SASH1: variants seen among roughly 807,000 people sequenced by gnomAD.
The protein encoded by SASH1 is SAM and SH3 domain-containing protein 1.
Under a neutral mutation model 125.2 loss-of-function variants are expected in SASH1, and 44 were observed. That is an observed-to-expected ratio of 0.35 (90% CI 0.28 to 0.45). The LOEUF is 0.45. Ranked by LOEUF, SASH1 falls within the 20% of genes least tolerant of loss-of-function variation. SASH1 has a pLI of 1.00. For synonymous variants in SASH1, 639 were observed against 649.1 expected (o/e 0.98, Z 0.24); for missense variants, 1,426 against 1,614.5 (o/e 0.88, Z 2.00).
intron 1 of SASH1, among the ~76,000 whole-genome samples, chr6:148,377,160 A>G (rs1782934397): frequency 7.8e-6 from 1 of 128,416 alleles, no homozygotes; most frequent in Non-Finnish European, 1.6e-5. Context: ...ACAGAGCGAG[A>G]CTCCGTCTCA....
At chr6:148,397,429 G>A (rs761780540) in intron 2 of SASH1, among the ~76,000 whole-genome samples, 1 of 152,130 alleles carries the variant, frequency 6.6e-6, no homozygotes, top group African/African-American at 2.4e-5. Context: ...AGGTTGCAGT[G>A]AGCCGAGATC....
chr6:148,379,986 C>G, intron 1 of SASH1: 1 of 456,072 alleles, frequency 2.2e-6, no homozygotes, highest in South Asian at 1.6e-5. Context: ...ACGTAGGTGC[C>G]ACACAAAGAG....
chr6:148,387,593 T>C (rs1293867269), intron 1 of SASH1, among the ~76,000 whole-genome samples: 2 of 10,514 alleles, frequency 1.9e-4, no homozygotes, highest in African/African-American at 1.1e-3. Flanking sequence ...TCTTTCTTTC[T>C]TTCTTTCTTT....
chr6:148,268,019 C>A (rs1005440454), upstream of SASH1, among the ~76,000 whole-genome samples: 1 of 152,218 alleles, frequency 6.6e-6, no homozygotes, highest in Non-Finnish European at 1.5e-5. Flanking sequence ...TAACCCACTA[C>A]ATGAACAATA....
intron 8 of SASH1, chr6:148,508,493 T>C: frequency 2.0e-6 from 2 of 1,008,480 alleles, no homozygotes; most frequent in Non-Finnish European, 2.4e-6. Context: ...TCAGGGAGCC[T>C]TCCTCAGTGA....
chr6:148,446,618 T>C (rs566179412), intron 4 of SASH1, among the ~76,000 whole-genome samples: 2 of 152,292 alleles, frequency 1.3e-5, no homozygotes, highest in Admixed American at 6.5e-5. Flanking sequence ...TATTTTGTAA[T>C]ATGTTTATGG....
At chr6:148,276,535 C>T (rs549836772) in intron 1 of SASH1, among the ~76,000 whole-genome samples, 6 of 151,714 alleles carry the variant, frequency 4.0e-5, no homozygotes, top group South Asian at 2.1e-4. Context: ...TGTAAGTGTG[C>T]GAAAGAAAAA....
At chr6:148,531,025 G>A (rs2115399879) in intron 12 of SASH1, among the ~76,000 whole-genome samples, 1 of 152,212 alleles carries the variant, frequency 6.6e-6, no homozygotes. Flanking sequence ...CTTATCCAAT[G>A]CCAATAATTT....
At chr6:148,393,041 A>ATTTTT (rs11368073) in intron 2 of SASH1, among the ~76,000 whole-genome samples, 1 of 78,110 alleles carries the variant, frequency 1.3e-5, no homozygotes, top group Non-Finnish European at 2.4e-5. Context: ...GAATGTTTCA[A>ATTTTT]TTTTTTTTTT....
intron 8 of SASH1, among the ~76,000 whole-genome samples, chr6:148,512,208 C>T (rs1007782787): frequency 5.3e-5 from 8 of 152,084 alleles, no homozygotes; most frequent in African/African-American, 7.2e-5. Flanking sequence ...TTAGTAGAGA[C>T]GGGGTTTCAC....
At chr6:148,522,381 A>G (rs1780873504) in intron 10 of SASH1, among the ~76,000 whole-genome samples, 1 of 152,232 alleles carries the variant, frequency 6.6e-6, no homozygotes, top group Non-Finnish European at 1.5e-5. Flanking sequence ...TTTCTTTGCT[A>G]GATTTATTTA....
At chr6:148,393,496 C>T (rs184219941) in intron 2 of SASH1, among the ~76,000 whole-genome samples, 18 of 152,312 alleles carry the variant, frequency 1.2e-4, no homozygotes, top group Non-Finnish European at 2.5e-4. Flanking sequence ...AACTGCTCTT[C>T]TCAGGATTCT....
intron 1 of SASH1, among the ~76,000 whole-genome samples, chr6:148,361,332 T>A (rs766085017): frequency 5.9e-5 from 9 of 152,158 alleles, no homozygotes; most frequent in Non-Finnish European, 1.2e-4. Context: ...ACGCGGTGGC[T>A]CATGCCTGTA....
the SASH1 span, among the ~76,000 whole-genome samples, chr6:148,254,616 A>T: frequency 6.6e-6 from 1 of 152,232 alleles, no homozygotes; most frequent in Admixed American, 6.5e-5. Context: ...ATCACTAGTT[A>T]TTGGGGAAGC....
chr6:148,194,849 T>C, the SASH1 span, among the ~76,000 whole-genome samples: 1 of 152,220 alleles, frequency 6.6e-6, no homozygotes, highest in Non-Finnish European at 1.5e-5. Context: ...GAGCTGGCAG[T>C]GAGCCGAGAT....
intron 1 of SASH1, among the ~76,000 whole-genome samples, chr6:148,311,214 C>A (rs1246195981): frequency 1.3e-5 from 2 of 151,828 alleles, no homozygotes; most frequent in Non-Finnish European, 2.9e-5. Context: ...TCAAGCGATT[C>A]TGCTGCCTCA....
At chr6:148,325,017 T>C (rs910869082) in intron 1 of SASH1, among the ~76,000 whole-genome samples, 3 of 152,166 alleles carry the variant, frequency 2.0e-5, no homozygotes, top group African/African-American at 7.2e-5. Flanking sequence ...CTTAGGCAAT[T>C]GTGTTAACTT....
At chr6:148,535,420 G>A (rs1781782770) in intron 16 of SASH1, among the ~76,000 whole-genome samples, 1 of 152,210 alleles carries the variant, frequency 6.6e-6, no homozygotes, top group Non-Finnish European at 1.5e-5. Context: ...TTTTCGCTCA[G>A]CCAAAGCTTG....
chr6:148,484,502 A>T (rs1778757734), intron 7 of SASH1, among the ~76,000 whole-genome samples: 1 of 152,176 alleles, frequency 6.6e-6, no homozygotes, highest in South Asian at 2.1e-4. Flanking sequence ...GGAATATAAA[A>T]ATGTAATTAT....
Sources: allele counts gnomAD v4.1 joint callset (sites outside exome capture counted in the v4.1 genomes callset), GRCh38; gene constraint gnomAD v4.1.1; transcripts MANE v1.5; gene names NCBI Gene and HGNC (gene_info 2026-07-23, HGNC 2026-07-21).